Variants in CNOT1 observed in about 807,000 individuals in gnomAD.
CNOT1 encodes the protein CCR4-associated factor 1.
CNOT1 carries 15 observed loss-of-function variants against 273.8 expected under a neutral mutation model. The ratio of observed to expected loss-of-function variants is 0.05; its 90% CI spans 0.04 to 0.08. CNOT1 has a LOEUF of 0.08. Among genes scored for constraint, CNOT1 ranks in the 10% least tolerant of loss-of-function variants. CNOT1 has a pLI of 1.00. For missense variants in CNOT1, 1,644 were observed against 2,912.2 expected, an observed-to-expected ratio of 0.56 and a Z score of 10.02; for synonymous variants, 1,022 against 1,005.5, an observed-to-expected ratio of 1.02 and a Z score of -0.31.
At chr16:58,555,187 G>A (rs1370773888) in intron 21 of CNOT1, 64 bp downstream of exon 21, 4 of 1,571,376 alleles carry the variant, frequency 2.5e-6, no homozygotes, top group East Asian at 2.2e-5. Flanking sequence ...CAGCCTGGAT[G>A]AGAGTTAAGA....
chr16:58,524,871 A>G (rs1220195994), intron 46 of CNOT1, among the ~76,000 whole-genome samples: 2 of 152,206 alleles, frequency 1.3e-5, no homozygotes, highest in Non-Finnish European at 2.9e-5. Context: ...GCCTAACAAA[A>G]CAATGTAACA....
At chr16:58,587,474 A>G in intron 4 of CNOT1, 61 bp from the exon 5 acceptor site, 1 of 1,603,556 alleles carries the variant, frequency 6.2e-7, no homozygotes, top group South Asian at 1.1e-5. Flanking sequence ...GTTTTTAACA[A>G]CCTATCTGTT....
intron 16 of CNOT1, among the ~76,000 whole-genome samples, chr16:58,572,347 T>C (rs2041302969): frequency 6.6e-6 from 1 of 151,806 alleles, no homozygotes; most frequent in Non-Finnish European, 1.5e-5. Context: ...TCTACAAAGA[T>C]AGGCCAGGTG....
At position 58,618,283 on chromosome 16, in the gene CNOT1, A is replaced by T. The variant is rs566969748; in HGVS notation, c.-175+11445T>A. ...AGCTACTTTGTCTCTAAAAAAAAAA[A>T]ATTAATTAAAAAGAGTTTGGCCGGG... On this transcript the variant is annotated intron_variant, in intron 1 of 48. Coordinates refer to ENST00000317147, the MANE Select transcript of CNOT1 (RefSeq NM_016284.5). Among the ~76,000 whole-genome samples, 406 of 152,114 alleles carry T rather than the reference A, an allele frequency of 2.7e-3. 2 individuals are homozygous for T. Among genetic ancestry groups the T allele is most frequent in the African/African-American group, 9.2e-3 (382 of 41,510 alleles).
chr16:58,607,248 A>G (rs1166425538), intron 1 of CNOT1, among the ~76,000 whole-genome samples: 3 of 152,342 alleles, frequency 2.0e-5, no homozygotes, highest in African/African-American at 7.2e-5. Context: ...CCGCAGCAGT[A>G]TATGTCAGAG....
chr16:58,614,412 C>T, intron 1 of CNOT1, among the ~76,000 whole-genome samples: 1 of 125,654 alleles, frequency 8.0e-6, no homozygotes, highest in East Asian at 1.9e-4. Flanking sequence ...TAGATGAATA[C>T]CAGCTTTCTG....
chr16:58,579,134 G>A (rs1262321075), intron 12 of CNOT1, among the ~76,000 whole-genome samples, 195 bp from the exon 13 acceptor site: 1 of 152,186 alleles, frequency 6.6e-6, no homozygotes, highest in African/African-American at 2.4e-5. Context: ...GACTTTAACT[G>A]AGCCTGAAGA....
Position 58,521,060 on chromosome 16 carries a change from ATC to A in CNOT1, c.7053-26_7053-25del, listed in dbSNP as rs776724601. Reference sequence around the variant, plus strand: ...ACCTGAAGGATGAAGACAGTTACAAATCTCTGATTAAAGAGTAGGCCTAACAA... The same window carrying A: ...ACCTGAAGGATGAAGACAGTTACAAATCTGATTAAAGAGTAGGCCTAACAA... On this transcript the variant is annotated intron_variant, in intron 48 of 48. Transcript: ENST00000317147. The A allele has an allele frequency of 3.2e-5, 52 of 1,613,928 alleles. 2 individuals carry two copies. In the East Asian group the frequency reaches 1.1e-3, roughly 35 times the overall value.
intron 46 of CNOT1, 112 bp from the exon 47 acceptor site, chr16:58,523,614 G>C: frequency 1.0e-6 from 1 of 969,092 alleles, no homozygotes; most frequent in Non-Finnish European, 1.5e-6. Flanking sequence ...ATTAATCTTT[G>C]GTTTAAAGCA....
intron 44 of CNOT1, among the ~76,000 whole-genome samples, chr16:58,526,903 C>T (rs1249677469): frequency 1.3e-5 from 2 of 151,482 alleles, no homozygotes; most frequent in African/African-American, 2.4e-5. Context: ...TAGTGGTGTG[C>T]ACCTCTAGTC....
chr16:58,559,453 G>GA (rs1386430519), intron 17 of CNOT1, among the ~76,000 whole-genome samples: 1 of 152,128 alleles, frequency 6.6e-6, no homozygotes, highest in Non-Finnish European at 1.5e-5. Context: ...AATTAGAAAC[G>GA]AATCTCCCAA....
At position 58,526,035 on chromosome 16, in the gene CNOT1, G is replaced by C. The variant is rs1197799850; in HGVS notation, c.6557C>G (p.Thr2186Ser). 9 of 1,614,112 alleles carry C rather than the reference G, an allele frequency of 5.6e-6. No individual in the cohort carries two copies. Among genetic ancestry groups the C allele is most frequent in the Non-Finnish European group, 7.6e-6 (9 of 1,179,980 alleles). The change falls in exon 45 of 49, where the codon ACT (threonine) becomes AGT (serine). Residue 2186 changes from threonine to serine, a missense_variant. Coordinates refer to ENST00000317147, the MANE Select transcript of CNOT1 (RefSeq NM_016284.5). Reference protein sequence around the residue: ...FKKDLDSYLKTRSPVTFLSDL... With the variant: ...FKKDLDSYLKSRSPVTFLSDL... The stretch of plus-strand genomic sequence containing the variant: ...AGACAGGAAAGTGACTGGTGATCGA[G>C]TTTTAAGATAGGAATCCAAATCCTT...
At chr16:58,539,706 G>A in intron 35 of CNOT1, 62 bp downstream of exon 35, 1 of 1,448,436 alleles carries the variant, frequency 6.9e-7, no homozygotes. Flanking sequence ...GTAGATGGTG[G>A]TGCAGGTCAA....
At chr16:58,548,673 G>A (rs1362578056) in intron 25 of CNOT1, 1 of 507,570 alleles carries the variant, frequency 2.0e-6, no homozygotes. Context: ...AGCAAAGAAT[G>A]ACCACAGCTG....
chr16:58,559,837 G>GT (rs748541191), intron 17 of CNOT1: 4 of 530,810 alleles, frequency 7.5e-6, no homozygotes, highest in Non-Finnish European at 1.1e-5. Context: ...GTTGAGAGCT[G>GT]AAGAGCCCCA....
intron 1 of CNOT1, among the ~76,000 whole-genome samples, chr16:58,609,665 G>C (rs1246856669): frequency 1.3e-5 from 2 of 151,882 alleles, no homozygotes; most frequent in Admixed American, 6.6e-5. Context: ...GTCTCACTTT[G>C]TTGCCCAAGC....
chr16:58,532,438 T>C, intron 40 of CNOT1, 43 bp from the exon 41 acceptor site: 1 of 1,595,460 alleles, frequency 6.3e-7, no homozygotes, highest in South Asian at 1.1e-5. Flanking sequence ...ATTCAGATAA[T>C]CCACTCACCA....
chr16:58,571,190 A>G (rs916773437), intron 16 of CNOT1, among the ~76,000 whole-genome samples: 1 of 152,218 alleles, frequency 6.6e-6, no homozygotes, highest in Admixed American at 6.5e-5. Flanking sequence ...ATCAAACAAA[A>G]CAAATGTTTA....
rs969624836 is a variant in CNOT1, at chr16:58,525,370, G to A, written c.6604-11C>T. ...AGGTTCATTGGATACCTTAAAATGA[G>A]CAAAACAGAACTCCTTATGCTTACT... On this transcript the variant is annotated splice_polypyrimidine_tract_variant and intron_variant, in intron 45 of 48. Coordinates refer to ENST00000317147, the MANE Select transcript of CNOT1 (RefSeq NM_016284.5). 2 of 1,611,460 alleles carry A rather than the reference G, an allele frequency of 1.2e-6. No homozygotes were observed. The highest frequency in any genetic ancestry group is 1.7e-5 in the Admixed American group (1 of 59,800).
Sources: allele counts gnomAD v4.1 joint callset (sites outside exome capture counted in the v4.1 genomes callset), GRCh38; gene constraint gnomAD v4.1.1; transcripts MANE v1.5; gene names NCBI Gene and HGNC (gene_info 2026-07-23, HGNC 2026-07-21).